The following GRIA1 variants were observed in gnomAD, a reference collection of about 807,000 sequenced individuals.
GRIA1 encodes glutamate ionotropic receptor AMPA type subunit 1.
A neutral mutation model predicts 99.2 loss-of-function variants in GRIA1; 31 were observed. The observed-to-expected ratio is 0.31, with a 90% CI of 0.23 to 0.42. GRIA1 has a LOEUF of 0.42. Among genes scored for constraint, GRIA1 ranks in the 10% least tolerant of loss-of-function variants. The pLI is 1.00. For synonymous variants in GRIA1, 438 were observed against 432.4 expected (o/e 1.01, Z -0.16); for missense variants, 782 against 1,157.5 (o/e 0.68, Z 4.71).
chr5:153,697,513 C>T (rs905502879), intron 8 of GRIA1, among the ~76,000 whole-genome samples: 7 of 152,128 alleles, frequency 4.6e-5, no homozygotes, highest in South Asian at 2.1e-4. Context: ...ATAGTTTATA[C>T]TTGGAGACAG....
chr5:153,781,633 G>A (rs1245134918), intron 13 of GRIA1, among the ~76,000 whole-genome samples: 1 of 152,160 alleles, frequency 6.6e-6, no homozygotes, highest in African/African-American at 2.4e-5. Flanking sequence ...ATCAGTTGCT[G>A]TGCCTGGTCT....
In GRIA1 at chr5:153,721,559, A is replaced by G. The variant is rs547510286; in HGVS notation, c.1823+15492A>G. On this transcript the variant is annotated intron_variant, in intron 11 of 15. Transcript: ENST00000285900. ...GGAGTAGCCGCTCCCCTGATTTCTGATGCATAGAGTAGTTTTATGAATTGA... is the reference window on the plus strand; with the variant it reads ...GGAGTAGCCGCTCCCCTGATTTCTGGTGCATAGAGTAGTTTTATGAATTGA... Among the ~76,000 whole-genome samples, 27 of 152,276 alleles carry G rather than the reference A, an allele frequency of 1.8e-4. 1 individual carries two copies. In the South Asian group the frequency reaches 5.6e-3, roughly 32 times the overall value.
At chr5:153,752,260 G>A (rs140904788) in intron 11 of GRIA1, among the ~76,000 whole-genome samples, 6 of 152,096 alleles carry the variant, frequency 3.9e-5, no homozygotes, top group East Asian at 3.9e-4. Flanking sequence ...ATCTCCTGGC[G>A]TTCTCCCACC....
In GRIA1 at chr5:153,650,407, A is replaced by G; in HGVS notation, c.538A>G (p.Thr180Ala). 1.2e-6 allele frequency: 2 copies of G among 1,614,024 alleles called. No individual in the cohort carries two copies. The highest frequency in any genetic ancestry group is 1.7e-6 in the Non-Finnish European group (2 of 1,179,928). ...GGTGACAGCAGTCAACATTTTGACA[A>G]CCACAGAGGAGGGATACCGGATGCT... Reference protein sequence around the residue: ...WQVTAVNILTTTEEGYRMLFQ... With the variant: ...WQVTAVNILTATEEGYRMLFQ... The change falls in exon 4 of 16, where the codon ACC becomes GCC. Residue 180 changes from threonine to alanine, a missense_variant. Physicochemically the swap from Thr to Ala is moderately conservative, Grantham distance 58 (BLOSUM62 0). Around this residue, in one of 5 missense-constraint regions of GRIA1, gnomAD observed 461 missense variants for 521.7 expected, o/e 0.88. Transcript: ENST00000285900.
chr5:153,664,528 G>A (rs533487301), intron 5 of GRIA1, among the ~76,000 whole-genome samples: 2 of 151,248 alleles, frequency 1.3e-5, no homozygotes, highest in Non-Finnish European at 2.9e-5. Context: ...TTTTTTTCAG[G>A]CTTCATGCTT....
intron 10 of GRIA1, among the ~76,000 whole-genome samples, chr5:153,702,694 C>T (rs1758613473): frequency 6.6e-6 from 1 of 152,184 alleles, no homozygotes; most frequent in Admixed American, 6.5e-5. Context: ...ACCCCAGGCC[C>T]ACTGAATCTA....
At chr5:153,805,265 A>G (rs567465224) in intron 15 of GRIA1, among the ~76,000 whole-genome samples, 1 of 152,176 alleles carries the variant, frequency 6.6e-6, no homozygotes, top group Non-Finnish European at 1.5e-5. Context: ...CTTTCCTTTT[A>G]TTATCCCTAT....
chr5:153,623,921 G>A (rs930789218), intron 2 of GRIA1, among the ~76,000 whole-genome samples: 1 of 151,968 alleles, frequency 6.6e-6, no homozygotes, highest in African/African-American at 2.4e-5. Context: ...TTGAAGTCTC[G>A]TTGAATATGG....
intron 13 of GRIA1, among the ~76,000 whole-genome samples, chr5:153,792,873 A>G (rs1165719422): frequency 6.6e-6 from 1 of 152,186 alleles, no homozygotes; most frequent in East Asian, 1.9e-4. Context: ...GTTAATGGAA[A>G]TTGCTTTCCC....
At chr5:153,654,014 C>A (rs1754760418) in intron 4 of GRIA1, among the ~76,000 whole-genome samples, 1 of 152,132 alleles carries the variant, frequency 6.6e-6, no homozygotes, top group African/African-American at 2.4e-5. Flanking sequence ...TGTGAAATTG[C>A]TTCTTACATT....
chr5:153,662,732 T>C (rs1371031997), intron 5 of GRIA1, among the ~76,000 whole-genome samples: 1 of 152,134 alleles, frequency 6.6e-6, no homozygotes, highest in Admixed American at 6.5e-5. Context: ...GGATTTGGAG[T>C]ATTCACTTGC....
At chr5:153,517,915 C>T (rs1391282331) in intron 2 of GRIA1, among the ~76,000 whole-genome samples, 1 of 152,242 alleles carries the variant, frequency 6.6e-6, no homozygotes, top group Non-Finnish European at 1.5e-5. Flanking sequence ...CTACAAGGCC[C>T]TCCATGAACC....
intron 2 of GRIA1, among the ~76,000 whole-genome samples, chr5:153,507,189 G>A (rs987350151): frequency 2.0e-5 from 3 of 152,064 alleles, no homozygotes; most frequent in African/African-American, 7.2e-5. Flanking sequence ...AAGTATTCTA[G>A]GGTTATGGAA....
At chr5:153,674,755 T>C in intron 6 of GRIA1, 94 bp downstream of exon 6, 8 of 1,336,162 alleles carry the variant, frequency 6.0e-6, no homozygotes, top group Non-Finnish European at 7.2e-6. Context: ...AAGGAATCAG[T>C]TTTCTAAAGC....
chr5:153,800,572 G>T (rs1396456723), intron 14 of GRIA1, among the ~76,000 whole-genome samples: 3 of 152,212 alleles, frequency 2.0e-5, no homozygotes, highest in Admixed American at 6.5e-5. Flanking sequence ...GCTATGCCTT[G>T]CCAAGTGTAA....
intron 8 of GRIA1, 27 bp downstream of exon 8, chr5:153,686,356 G>T: frequency 1.3e-6 from 2 of 1,543,652 alleles, no homozygotes; most frequent in Non-Finnish European, 1.8e-6. Flanking sequence ...CTTCTGTTCT[G>T]CAGAGAGAAG....
intron 13 of GRIA1, among the ~76,000 whole-genome samples, chr5:153,771,070 G>A (rs1468174606): frequency 2.0e-5 from 3 of 152,152 alleles, no homozygotes; most frequent in Non-Finnish European, 4.4e-5. Flanking sequence ...CTGTAGACAT[G>A]GAGTCACAAT....
At chr5:153,768,505 C>A (rs967060436) in intron 12 of GRIA1, among the ~76,000 whole-genome samples, 1 of 152,068 alleles carries the variant, frequency 6.6e-6, no homozygotes, top group South Asian at 2.1e-4. Flanking sequence ...GACTGTAAAA[C>A]GAGTGATATA....
intron 5 of GRIA1, among the ~76,000 whole-genome samples, chr5:153,659,173 A>G (rs374982603): frequency 2.4e-4 from 37 of 152,302 alleles, no homozygotes; most frequent in Non-Finnish European, 4.4e-4. Flanking sequence ...ATGCTTTAAA[A>G]AGTTAAAAGT....
Sources: gnomAD v4.1 joint callset for allele counts (sites outside exome capture counted in the v4.1 genomes callset) on GRCh38, gnomAD v4.1.1 for gene constraint, gnomAD v4.1.1 regional missense constraint, MANE v1.5 for transcripts, NCBI Gene and HGNC (gene_info 2026-07-23, HGNC 2026-07-21) for gene names.